Variants in DYNC1H1 observed in about 807,000 individuals in gnomAD.
DYNC1H1 encodes cytoplasmic dynein 1 heavy chain 1.
In DYNC1H1, 51 loss-of-function variants were observed where a neutral mutation model predicts 527.1. The ratio of observed to expected loss-of-function variants is 0.10; its 90% CI spans 0.08 to 0.12. DYNC1H1 has a LOEUF of 0.12. Among genes scored for constraint, DYNC1H1 ranks in the 10% least tolerant of loss-of-function variants. DYNC1H1 has a pLI of 1.00. For synonymous variants in DYNC1H1, 2,189 were observed against 2,278.8 expected, an observed-to-expected ratio of 0.96 and a Z score of 1.12; for missense variants, 2,771 against 5,971.8, an observed-to-expected ratio of 0.46 and a Z score of 17.66.
chr14:102,009,973 C>T lies in DYNC1H1; in HGVS notation c.6108C>T (p.Phe2036=). The T allele has an allele frequency of 1.2e-6, 2 of 1,614,140 alleles. No homozygotes were observed. The highest frequency in any genetic ancestry group is 1.7e-6 in the Non-Finnish European group (2 of 1,180,036). The change falls in exon 30 of 78, where the codon TTC becomes TTT. Residue 2036 remains phenylalanine, a synonymous_variant. Coordinates refer to ENST00000360184, the MANE Select transcript of DYNC1H1 (RefSeq NM_001376.5). ...SNLPDNLKKL[F]RSLAMTKPDR... Reference sequence around the variant, plus strand: ...TTCCTGACAACTTGAAGAAGCTGTTCCGGAGCTTGGCCATGACCAAGCCCG... The same window carrying T: ...TTCCTGACAACTTGAAGAAGCTGTTTCGGAGCTTGGCCATGACCAAGCCCG...
At position 102,002,720 on chromosome 14, in the gene DYNC1H1, G is replaced by A. The variant is rs1435770920; in HGVS notation, c.4709+17G>A. The A allele has an allele frequency of 6.2e-7, 1 of 1,614,124 alleles. No homozygotes were observed. Among genetic ancestry groups the A allele is most frequent in the Non-Finnish European group, 8.5e-7 (1 of 1,180,054 alleles). ...GTTTCAGAGGTATGGCCTCCAGCCA[G>A]AGAGCCAAATTTGCCAGCGGCTAGT... On this transcript the variant is annotated intron_variant, in intron 22 of 77. Coordinates refer to ENST00000360184, the MANE Select transcript of DYNC1H1 (RefSeq NM_001376.5). This position sits in a 1 kb window ranked among gnomAD's most constrained non-coding sequence, Gnocchi z 4.4.
intron 56 of DYNC1H1, 106 bp downstream of exon 56, chr14:102,034,558 G>T: frequency 6.3e-7 from 1 of 1,581,436 alleles, no homozygotes; most frequent in Non-Finnish European, 8.6e-7. Context: ...AAAATGGGGC[G>T]TGGGCATACA....
chr14:102,040,578 T>A lies in DYNC1H1; in HGVS notation c.11866-20T>A. On this transcript the variant is annotated intron_variant, in intron 63 of 77. Transcript: ENST00000360184. ...GAGGCCAGCCCTGCTCCATGGGTGC[T>A]TCCACTATTGTCTCCACAGCAATTT... 1 of 1,614,174 alleles carries A rather than the reference T, an allele frequency of 6.2e-7. No homozygotes were observed. Among genetic ancestry groups the A allele is most frequent in the South Asian group, 1.1e-5 (1 of 91,092 alleles).
Position 101,985,620 on chromosome 14 carries a change from G to T in DYNC1H1, c.1462-67G>T, listed in dbSNP as rs1566998893. ...ATTACAGGTGTGAGCCACTGCACCC[G>T]GCTTAAAATAAATTTTAAAGCCTTC... On this transcript the variant is annotated intron_variant, in intron 7 of 77. Transcript: ENST00000360184. The surrounding 1 kb of genome is among the most constrained non-coding windows in gnomAD (Gnocchi z 5.9). 5 of 1,586,902 alleles carry T rather than the reference G, an allele frequency of 3.2e-6. No homozygotes were observed. Among genetic ancestry groups the T allele is most frequent in the East Asian group, 2.2e-5 (1 of 44,716 alleles).
chr14:101,984,932 CA>C (rs773102943), intron 7 of DYNC1H1, among the ~76,000 whole-genome samples: 8,889 of 40,316 alleles, frequency 0.22, 100 homozygotes, highest in African/African-American at 0.3. Context: ...GGCTCCGTCT[CA>C]AAAAAAAAAA....
intron 1 of DYNC1H1, among the ~76,000 whole-genome samples, chr14:101,974,463 A>T (rs111919131): frequency 1.3e-5 from 2 of 152,246 alleles, no homozygotes; most frequent in African/African-American, 4.8e-5. Context: ...ATGTTAAATT[A>T]ATCCATAGAT....
Position 102,005,385 on chromosome 14 carries a change from T to A in DYNC1H1, c.5433+149T>A, listed in dbSNP as rs903775361. ...TGGATATCCTCTGAGGGTGGGCATT[T>A]GGCTCCCTGTCCCTGTTGAAAGGTA... On this transcript the variant is annotated intron_variant, in intron 26 of 77. Transcript: ENST00000360184. This position sits in a 1 kb window ranked among gnomAD's most constrained non-coding sequence, Gnocchi z 4.0. The A allele has an allele frequency of 4.4e-5, 49 of 1,108,676 alleles. 1 individual carries two copies. In the Middle Eastern group the frequency reaches 1.4e-3, roughly 31 times the overall value. The allele number at this position is 1,108,676 out of a possible 1,614,324, so 68.7% of individuals were successfully genotyped here. A position where few individuals can be genotyped will look rare whatever the true frequency, so the allele number is the denominator to read the frequency against.
chr14:101,992,296 T>G (rs1196355340), intron 11 of DYNC1H1, among the ~76,000 whole-genome samples: 1 of 152,154 alleles, frequency 6.6e-6, no homozygotes, highest in Non-Finnish European at 1.5e-5. Context: ...ACTCAGATCT[T>G]TAAGGATTTT....
In DYNC1H1 at chr14:101,983,163, A is replaced by G. The variant is rs1408962219; in HGVS notation, c.1106A>G (p.Asn369Ser). 6.2e-7 allele frequency: 1 copy of G among 1,614,202 alleles called. No individual in the cohort carries two copies. Among genetic ancestry groups the G allele is most frequent in the African/African-American group, 1.3e-5 (1 of 75,042 alleles). Residue 369 changes from asparagine to serine, a missense_variant, in exon 6 of 78, where the codon AAC becomes AGC. Coordinates refer to ENST00000360184, the MANE Select transcript of DYNC1H1 (RefSeq NM_001376.5). The surrounding 1 kb of genome is among the most constrained non-coding windows in gnomAD (Gnocchi z 5.3). ...AIFTHLRKIR[N>S]TKYPIQRALR... The stretch of plus-strand genomic sequence containing the variant: ...TTCACACATTTGAGAAAGATCCGAA[A>G]CACAAAATATCCTATTCAGAGGGCA...
intron 23 of DYNC1H1, among the ~76,000 whole-genome samples, chr14:102,004,241 C>A (rs1408539541): frequency 1.4e-5 from 2 of 140,420 alleles, no homozygotes. Context: ...AAGACTCCGT[C>A]TCAAAAATAA....
intron 69 of DYNC1H1, 137 bp from the exon 70 acceptor site, chr14:102,043,738 C>G: frequency 1.7e-6 from 2 of 1,161,022 alleles, no homozygotes; most frequent in Non-Finnish European, 2.5e-6. Context: ...CTCCTAGCAG[C>G]AGTACTCATG....
At chr14:101,991,348 C>T (rs1037592839) in intron 10 of DYNC1H1, among the ~76,000 whole-genome samples, 179 bp from the exon 11 acceptor site, 1 of 152,058 alleles carries the variant, frequency 6.6e-6, no homozygotes, top group Non-Finnish European at 1.5e-5. Context: ...GGCGCATGCC[C>T]GTAATCCCAG....
Position 102,036,342 on chromosome 14 carries a change from G to C in DYNC1H1, c.10755-147G>C. 1 of 977,404 alleles carries C rather than the reference G, an allele frequency of 1.0e-6. No individual in the cohort carries two copies. 60.5% of individuals were successfully genotyped at this position (977,404 alleles called of 1,614,324 possible). On this transcript the variant is annotated intron_variant, in intron 56 of 77. Coordinates refer to ENST00000360184, the MANE Select transcript of DYNC1H1 (RefSeq NM_001376.5). This position sits in a 1 kb window ranked among gnomAD's most constrained non-coding sequence, Gnocchi z 5.6. Reference sequence around the variant, plus strand: ...AGCATTAAGCATGTAAGCTTTATTGGTAAACCTGAAAACGTCTCCGGAAAC... The same window carrying C: ...AGCATTAAGCATGTAAGCTTTATTGCTAAACCTGAAAACGTCTCCGGAAAC...
rs750466971 is a variant in DYNC1H1 at position 102,012,300 on chromosome 14, T to A, written c.6858-14T>A. ...GATTTAATCAGCAGCTATTTTAAAATCCTTCCCAACCAGGATCATCGACAG... is the reference window on the plus strand; with the variant it reads ...GATTTAATCAGCAGCTATTTTAAAAACCTTCCCAACCAGGATCATCGACAG... On this transcript the variant is annotated splice_polypyrimidine_tract_variant and intron_variant, in intron 33 of 77. Coordinates refer to ENST00000360184, the MANE Select transcript of DYNC1H1 (RefSeq NM_001376.5). This position sits in a 1 kb window ranked among gnomAD's most constrained non-coding sequence, Gnocchi z 4.9. The A allele has an allele frequency of 1.4e-5, 22 of 1,614,074 alleles. No individual in the cohort carries two copies. Among genetic ancestry groups the A allele is most frequent in the Non-Finnish European group, 1.9e-5 (22 of 1,180,050 alleles).
At chr14:102,046,484 G>GAAAGCC (rs1445132154) in intron 72 of DYNC1H1, among the ~76,000 whole-genome samples, 3 of 134,216 alleles carry the variant, frequency 2.2e-5, no homozygotes, top group African/African-American at 8.2e-5. Context: ...GGTCTGGAGG[G>GAAAGCC]AAAGCCAGGC....
At chr14:102,022,531 T>C (rs1020134447) in intron 42 of DYNC1H1, among the ~76,000 whole-genome samples, 3 of 149,874 alleles carry the variant, frequency 2.0e-5, no homozygotes, top group African/African-American at 4.9e-5. Flanking sequence ...AGTGAGACTC[T>C]GTAAGTAAGT....
intron 55 of DYNC1H1, 43 bp from the exon 56 acceptor site, chr14:102,034,282 T>G: frequency 1.2e-6 from 2 of 1,614,254 alleles, no homozygotes; most frequent in Non-Finnish European, 1.7e-6. Context: ...CAGTCCCATC[T>G]GTGGCTGTGA....
rs373124911 is a variant in DYNC1H1, at chr14:102,027,759, C to T, written c.9189C>T (p.His3063=). The T allele has an allele frequency of 1.4e-5, 23 of 1,614,170 alleles. No individual in the cohort carries two copies. Among genetic ancestry groups the T allele is most frequent in the Admixed American group, 5.0e-5 (3 of 60,026 alleles). ...CTAGCCAGGTTATCCGCAACCTCCACGTCGTGTTCACCATGAACCCGTCCT... is the reference window on the plus strand; with the variant it reads ...CTAGCCAGGTTATCCGCAACCTCCATGTCGTGTTCACCATGAACCCGTCCT... ...WFTSQVIRNL[H]VVFTMNPSSE... is the part of the protein sequence containing the mutation. The change falls in exon 47 of 78, where the codon CAC becomes CAT. Residue 3063 remains histidine (H), a synonymous_variant. Transcript: ENST00000360184. The surrounding 1 kb of genome is among the most constrained non-coding windows in gnomAD (Gnocchi z 7.7).
Position 102,034,546 on chromosome 14 carries a change from A to G in DYNC1H1, c.10754+94A>G, listed in dbSNP as rs182516060. The G allele has an allele frequency of 6.9e-6, 11 of 1,598,488 alleles. No individual in the cohort carries two copies. In the Admixed American group the frequency reaches 1.2e-4, roughly 17 times the overall value. ...TACACCCTTGTTTGAAGAGAGGAATAGAAAATGGGGCGTGGGCATACAGTG... is the reference window on the plus strand; with the variant it reads ...TACACCCTTGTTTGAAGAGAGGAATGGAAAATGGGGCGTGGGCATACAGTG... On this transcript the variant is annotated intron_variant, in intron 56 of 77. Transcript: ENST00000360184.
Sources: allele counts gnomAD v4.1 joint callset (sites outside exome capture counted in the v4.1 genomes callset), GRCh38; gene constraint gnomAD v4.1.1; non-coding constraint Gnocchi (gnomAD v3.1); transcripts MANE v1.5; gene names NCBI Gene and HGNC (gene_info 2026-07-23, HGNC 2026-07-21).